The following ATG4C variants were observed in gnomAD, a reference collection of about 807,000 sequenced individuals.
ATG4C encodes autophagy related 4C cysteine peptidase.
In ATG4C, 56 loss-of-function variants were observed where a neutral mutation model predicts 57.6. That is an observed-to-expected ratio of 0.97 (90% confidence interval 0.78 to 1.21). The LOEUF (loss-of-function observed/expected upper bound fraction) is 1.21. Among genes scored for constraint, ATG4C ranks in the 50% most tolerant of loss-of-function variants. ATG4C has a pLI of 0.00. For missense variants in ATG4C, 595 were observed against 529.8 expected (o/e 1.12, Z -1.21); for synonymous variants, 157 against 174.1 (o/e 0.90, Z 0.78).
intron 7 of ATG4C, among the ~76,000 whole-genome samples, chr1:62,830,882 T>A (rs189596352): frequency 1.3e-3 from 196 of 152,274 alleles, no homozygotes; most frequent in African/African-American, 4.4e-3. Context: ...ATTTGTATAA[T>A]ACTTTTCAAT....
chr1:62,834,227 T>C (rs1424692529), intron 8 of ATG4C, 111 bp downstream of exon 8: 3 of 905,728 alleles, frequency 3.3e-6, no homozygotes, highest in Non-Finnish European at 5.1e-6. Flanking sequence ...GAGTACCTTA[T>C]ACATTCATCA....
chr1:62,813,308 CATCTGATCCTTGACAG>C (rs1270260286), intron 3 of ATG4C, among the ~76,000 whole-genome samples: 2 of 152,102 alleles, frequency 1.3e-5, no homozygotes, highest in African/African-American at 4.8e-5. Context: ...CATCTACAAC[CATCTGATCCTTGACAG>C]ACCTGACAAA....
intron 3 of ATG4C, among the ~76,000 whole-genome samples, chr1:62,812,025 A>G (rs1390465869): frequency 1.3e-5 from 2 of 152,186 alleles, no homozygotes; most frequent in Non-Finnish European, 2.9e-5. Context: ...GTACATAAAC[A>G]TTTAGAATTA....
At chr1:62,839,645 CTT>C (rs1469951248) in intron 9 of ATG4C, among the ~76,000 whole-genome samples, 1 of 152,154 alleles carries the variant, frequency 6.6e-6, no homozygotes, top group Non-Finnish European at 1.5e-5. Flanking sequence ...GTTTGTTTAG[CTT>C]TTCTGTGCTT....
At chr1:62,838,308 T>C (rs535674949) in intron 9 of ATG4C, among the ~76,000 whole-genome samples, 1 of 152,288 alleles carries the variant, frequency 6.6e-6, no homozygotes, top group East Asian at 1.9e-4. Flanking sequence ...CTCTTACCAA[T>C]CATTAGAATT....
At chr1:62,793,204 T>G (rs899579118) in intron 1 of ATG4C, among the ~76,000 whole-genome samples, 1 of 152,056 alleles carries the variant, frequency 6.6e-6, no homozygotes, top group African/African-American at 2.4e-5. Flanking sequence ...TTAAATTCTT[T>G]TAAATTTACA....
At position 62,803,737 on chromosome 1, in the gene ATG4C, C is replaced by T. The variant is rs1664759109; in HGVS notation, c.-50C>T. On this transcript the variant is annotated 5_prime_UTR_variant, in exon 2 of 11. Transcript: ENST00000317868. ...TTTAAAGTCAGTATAAAAGATTAAA[C>T]TCTACAGAAGAATGCAATCAAGTGA... 7.7e-7 allele frequency: 1 copy of T among 1,306,866 alleles called. No homozygotes were observed. The highest frequency in any genetic ancestry group is 2.4e-5 in the East Asian group (1 of 41,808). 81.0% of individuals were successfully genotyped at this position (1,306,866 alleles called of 1,614,324 possible).
intron 1 of ATG4C, among the ~76,000 whole-genome samples, chr1:62,801,958 C>CAAAAAAAAAAAAAAAAAA (rs60298362): frequency 1.9e-5 from 1 of 51,890 alleles, no homozygotes; most frequent in Non-Finnish European, 3.7e-5. Flanking sequence ...ACTCTGTCTC[C>CAAAAAAAAAAAAAAAAAA]AAAAAAAAAA....
intron 3 of ATG4C, among the ~76,000 whole-genome samples, chr1:62,810,384 C>T (rs546176032): frequency 6.6e-6 from 1 of 152,254 alleles, no homozygotes; most frequent in Non-Finnish European, 1.5e-5. Flanking sequence ...CTGCCTTGGT[C>T]AAGACTTTCT....
At chr1:62,861,486 A>G (rs1453184392) in intron 10 of ATG4C, among the ~76,000 whole-genome samples, 1 of 151,920 alleles carries the variant, frequency 6.6e-6, no homozygotes, top group East Asian at 1.9e-4. Flanking sequence ...TCGAGGCTGC[A>G]GTGAGCCGTG....
At chr1:62,786,173 C>T (rs182527833) in intron 1 of ATG4C, among the ~76,000 whole-genome samples, 11 of 152,300 alleles carry the variant, frequency 7.2e-5, no homozygotes, top group Non-Finnish European at 1.3e-4. Flanking sequence ...ACTCTTCCCA[C>T]TGTACAACAG....
chr1:62,802,062 A>G (rs1198698631), intron 1 of ATG4C, among the ~76,000 whole-genome samples: 2 of 151,242 alleles, frequency 1.3e-5, no homozygotes, highest in East Asian at 1.9e-4. Flanking sequence ...AATCAAATTC[A>G]TAATCTTCTC....
chr1:62,838,099 C>G (rs1468668920), intron 9 of ATG4C, among the ~76,000 whole-genome samples: 1 of 152,190 alleles, frequency 6.6e-6, no homozygotes, highest in Non-Finnish European at 1.5e-5. Flanking sequence ...TTAGACTTCA[C>G]TATTCTAAAC....
chr1:62,816,792 A>G lies in ATG4C; in HGVS notation c.378A>G (p.Leu126=). ...GQMLLAQGLI[L]HFLGRAWTWP... ...TGCTCTTGGCTCAAGGACTCATACT[A>G]CACTTTCTTGGTAGAGGTAAATCAA... Residue 126 remains leucine, a synonymous_variant, in exon 4 of 11, where the codon CTA becomes CTG. Transcript: ENST00000317868. 1.9e-6 allele frequency: 3 copies of G among 1,569,896 alleles called. No homozygotes were observed. The highest frequency in any genetic ancestry group is 2.6e-6 in the Non-Finnish European group (3 of 1,157,584).
At chr1:62,852,868 T>G (rs1666561173) in intron 10 of ATG4C, among the ~76,000 whole-genome samples, 2 of 152,198 alleles carry the variant, frequency 1.3e-5, no homozygotes, top group African/African-American at 2.4e-5. Context: ...TTCTGTTTTC[T>G]ATTCACTCTC....
chr1:62,787,585 A>C (rs933224860), intron 1 of ATG4C, among the ~76,000 whole-genome samples: 3 of 152,200 alleles, frequency 2.0e-5, no homozygotes, highest in East Asian at 3.8e-4. Context: ...TTTATTGTTT[A>C]AATTTTACAT....
intron 3 of ATG4C, among the ~76,000 whole-genome samples, chr1:62,811,093 A>G (rs1266822653): frequency 6.6e-6 from 1 of 152,180 alleles, no homozygotes; most frequent in Admixed American, 6.6e-5. Context: ...ATTTGAAGGC[A>G]TTGACATTCT....
At chr1:62,819,451 G>A in intron 5 of ATG4C, 116 bp downstream of exon 5, 1 of 762,502 alleles carries the variant, frequency 1.3e-6, no homozygotes, top group East Asian at 3.1e-5. Flanking sequence ...GTATGAGAAT[G>A]TTGATAAAGA....
At chr1:62,784,408 G>C (rs1478953006) in intron 1 of ATG4C, 135 bp downstream of exon 1, 2 of 152,462 alleles carry the variant, frequency 1.3e-5, no homozygotes, top group African/African-American at 4.8e-5. Context: ...TTCTCTGAGG[G>C]TTTTGGCGCC....
Sources: allele counts gnomAD v4.1 joint callset (sites outside exome capture counted in the v4.1 genomes callset), GRCh38; gene constraint gnomAD v4.1.1; transcripts MANE v1.5; gene names NCBI Gene and HGNC (gene_info 2026-07-23, HGNC 2026-07-21).